The following GRK5 variants were observed in gnomAD, a reference collection of about 807,000 sequenced individuals.
GRK5 encodes g protein-coupled receptor kinase GRK5.
In GRK5, 40 loss-of-function variants were observed where a neutral mutation model predicts 78.4. That is an observed-to-expected ratio of 0.51 (90% CI 0.40 to 0.66). The LOEUF (loss-of-function observed/expected upper bound fraction) is 0.66. Among genes scored for constraint, GRK5 ranks in the 30% least tolerant of loss-of-function variants. GRK5 has a pLI of 0.00. For missense variants in GRK5, 598 were observed against 759.9 expected (o/e 0.79, Z 2.50); for synonymous variants, 289 against 296.8 (o/e 0.97, Z 0.27).
In GRK5 at chr10:119,378,347, C is replaced by G. The variant is rs971843645; in HGVS notation, c.149-2468C>G. On this transcript the variant is annotated intron_variant, in intron 2 of 15. Coordinates refer to ENST00000392870, the MANE Select transcript of GRK5 (RefSeq NM_005308.3). The surrounding 1 kb of genome is among the most constrained non-coding windows in gnomAD (Gnocchi z 4.5). ...GGCTGCAGTCCAGGGCTAGTTGGAG[C>G]CACAAAACCATTTGAGAGTGGGCCA... is the stretch of plus-strand genomic sequence containing the variant. Among the ~76,000 whole-genome samples, 18 of 152,180 alleles carry G rather than the reference C, an allele frequency of 1.2e-4. No individual in the cohort carries two copies. The highest frequency in any genetic ancestry group is 4.3e-4 in the African/African-American group (18 of 41,418).
intron 1 of GRK5, among the ~76,000 whole-genome samples, chr10:119,315,038 C>T (rs1257837632): frequency 6.6e-6 from 1 of 152,220 alleles, no homozygotes; most frequent in Non-Finnish European, 1.5e-5. Flanking sequence ...TCGTCTGTCT[C>T]ACTTATGGGG....
intron 2 of GRK5, among the ~76,000 whole-genome samples, chr10:119,365,771 T>G (rs1851439479): frequency 6.6e-6 from 1 of 152,198 alleles, no homozygotes; most frequent in Admixed American, 6.5e-5. Flanking sequence ...AACACACCCT[T>G]TCTTAGGCTC....
rs143962659 is a variant in GRK5 at position 119,443,682 on chromosome 10, G to A, written c.1196G>A (p.Arg399His). 608 of 1,613,274 alleles carry A rather than the reference G, an allele frequency of 3.8e-4. 1 individual carries two copies. The highest frequency in any genetic ancestry group is 4.9e-4 in the Non-Finnish European group (573 of 1,179,692). ...KEKVKREEVD[R>H]RVLETEEVYS... ...AAGGTGAAGCGGGAGGAGGTGGACC[G>A]CCGGGTCCTGGAGACGGAGGAGGTG... The change falls in exon 12 of 16, where the codon CGC becomes CAC. Residue 399 changes from arginine to histidine, a missense_variant. Coordinates refer to ENST00000392870, the MANE Select transcript of GRK5 (RefSeq NM_005308.3).
intron 1 of GRK5, among the ~76,000 whole-genome samples, chr10:119,323,895 C>T (rs1850629607): frequency 6.6e-6 from 1 of 152,114 alleles, no homozygotes; most frequent in South Asian, 2.1e-4. Flanking sequence ...CATTCTTGTG[C>T]CTTTGTGTCC....
At chr10:119,223,344 G>C (rs969959138) in intron 1 of GRK5, among the ~76,000 whole-genome samples, 1 of 152,178 alleles carries the variant, frequency 6.6e-6, no homozygotes, top group African/African-American at 2.4e-5. Context: ...GGTACCGGGG[G>C]TTAGGACTTC....
chr10:119,369,554 T>C (rs1355012796), intron 2 of GRK5, among the ~76,000 whole-genome samples: 2 of 152,226 alleles, frequency 1.3e-5, no homozygotes, highest in South Asian at 2.1e-4. Flanking sequence ...TTTGCAGCTG[T>C]GCTTTTAGGA....
At chr10:119,340,671 G>A (rs1393108467) in intron 2 of GRK5, among the ~76,000 whole-genome samples, 1 of 152,180 alleles carries the variant, frequency 6.6e-6, no homozygotes, top group African/African-American at 2.4e-5. Flanking sequence ...AAACCTGTGG[G>A]TTGTAGAATC....
rs953381151 is a variant in GRK5 at position 119,267,116 on chromosome 10, G to A, written c.52+59147G>A. On this transcript the variant is annotated intron_variant, in intron 1 of 15. Coordinates refer to ENST00000392870, the MANE Select transcript of GRK5 (RefSeq NM_005308.3). The surrounding 1 kb of genome is among the most constrained non-coding windows in gnomAD (Gnocchi z 4.1). ...AAATTAGCCAGGCATGGTGGCGGGC[G>A]CCTGTAATCTCAGCTACTCAGGATG... is the stretch of plus-strand genomic sequence containing the variant. Among the ~76,000 whole-genome samples, 7 of 152,072 alleles carry A rather than the reference G, an allele frequency of 4.6e-5. No homozygotes were observed. Among genetic ancestry groups the A allele is most frequent in the Non-Finnish European group, 7.4e-5 (5 of 67,998 alleles).
chr10:119,409,713 T>TG (rs1852302010), intron 4 of GRK5, among the ~76,000 whole-genome samples: 2 of 109,154 alleles, frequency 1.8e-5, no homozygotes, highest in Admixed American at 2.1e-4. Flanking sequence ...TCCTGCCCCC[T>TG]GCCCCCCAAC....
Position 119,333,416 on chromosome 10 carries a change from C to T in GRK5, c.148+6805C>T, listed in dbSNP as rs1330530092. 5 of 192,894 alleles carry T rather than the reference C, an allele frequency of 2.6e-5. No homozygotes were observed. The Admixed American group carries it at 2.8e-4, about 11-fold the overall frequency. 11.9% of individuals were successfully genotyped at this position (192,894 alleles called of 1,614,324 possible). A position where few individuals can be genotyped will look rare whatever the true frequency, so the allele number is the denominator to read the frequency against. On this transcript the variant is annotated intron_variant, in intron 2 of 15. Transcript: ENST00000392870. ...GGTTGGTTTCCTCTGAAGCTGTAGT[C>T]GGAGTCATGATCACAGTGATGTCAG...
chr10:119,302,163 C>A lies in GRK5; in HGVS notation c.53-24353C>A, dbSNP rs7904422. On this transcript the variant is annotated intron_variant, in intron 1 of 15. Coordinates refer to ENST00000392870, the MANE Select transcript of GRK5 (RefSeq NM_005308.3). ...CATTCCTTTAAGGTGTCATTTACTG[C>A]TTCCAGAATCCCACTTTCAAGGAGA... Among the ~76,000 whole-genome samples, 1,215 of 152,298 alleles carry A rather than the reference C, an allele frequency of 8.0e-3. 18 individuals are homozygous for A. The highest frequency in any genetic ancestry group is 0.028 in the African/African-American group (1,170 of 41,552).
intron 10 of GRK5, among the ~76,000 whole-genome samples, chr10:119,441,264 C>G (rs138318749): frequency 1.3e-5 from 2 of 152,308 alleles, no homozygotes; most frequent in Admixed American, 1.3e-4. Flanking sequence ...GGCGGGGTCT[C>G]GACACTGGCC....
At position 119,443,526 on chromosome 10, in the gene GRK5, C is replaced by T; in HGVS notation, c.1058-18C>T. On this transcript the variant is annotated intron_variant, in intron 11 of 15. Transcript: ENST00000392870. ...GTCTCCCTCCTCCTCACTCCTCTCT[C>T]CTCTCCTCTGCCCCCAGCTCCAGAG... The T allele has an allele frequency of 6.3e-7, 1 of 1,591,438 alleles. No individual in the cohort carries two copies. The highest frequency in any genetic ancestry group is 8.6e-7 in the Non-Finnish European group (1 of 1,161,868).
intron 1 of GRK5, among the ~76,000 whole-genome samples, chr10:119,294,090 C>T (rs1211338383): frequency 6.6e-6 from 1 of 152,096 alleles, no homozygotes; most frequent in African/African-American, 2.4e-5. Flanking sequence ...TGAGGAGACG[C>T]ATGTGTATTT....
At chr10:119,208,578 T>G (rs1426280333) in intron 1 of GRK5, 2 of 152,242 alleles carry the variant, frequency 1.3e-5, no homozygotes, top group Non-Finnish European at 2.9e-5. Flanking sequence ...AATAATTCAG[T>G]ATTTCAGGTT....
chr10:119,327,169 G>T (rs1811716273), intron 2 of GRK5, among the ~76,000 whole-genome samples: 1 of 152,184 alleles, frequency 6.6e-6, no homozygotes, highest in Non-Finnish European at 1.5e-5. Flanking sequence ...CTCCTGAGGA[G>T]CCACTGGGCT....
At chr10:119,313,975 C>T (rs1002138148) in intron 1 of GRK5, among the ~76,000 whole-genome samples, 2 of 152,210 alleles carry the variant, frequency 1.3e-5, no homozygotes, top group African/African-American at 2.4e-5. Context: ...CCAGATGCCC[C>T]GGGCCGCCCC....
rs1853387217 is a variant in GRK5, at chr10:119,455,473, G to A, written c.*406G>A. 2.8e-6 allele frequency: 1 copy of A among 360,408 alleles called. No homozygotes were observed. The highest frequency in any genetic ancestry group is 5.3e-6 in the Non-Finnish European group (1 of 189,020). The allele number at this position is 360,408 out of a possible 1,614,324, so 22.3% of individuals were successfully genotyped here. ...TAAATGAAAGTGAGACTTTGAGGGTGTATATTTTCTGTGCAGCCACTGTTA... is the reference window on the plus strand; with the variant it reads ...TAAATGAAAGTGAGACTTTGAGGGTATATATTTTCTGTGCAGCCACTGTTA... On this transcript the variant is annotated 3_prime_UTR_variant, in exon 16 of 16. Coordinates refer to ENST00000392870, the MANE Select transcript of GRK5 (RefSeq NM_005308.3).
At chr10:119,295,034 C>CA (rs1318541545) in intron 1 of GRK5, among the ~76,000 whole-genome samples, 1 of 151,680 alleles carries the variant, frequency 6.6e-6, no homozygotes, top group Non-Finnish European at 1.5e-5. Flanking sequence ...ACTAAAAATA[C>CA]AAAAAATTAG....
Sources: gnomAD v4.1 joint callset for allele counts (sites outside exome capture counted in the v4.1 genomes callset) on GRCh38, gnomAD v4.1.1 for gene constraint, Gnocchi (gnomAD v3.1) non-coding constraint, MANE v1.5 for transcripts, NCBI Gene and HGNC (gene_info 2026-07-23, HGNC 2026-07-21) for gene names.